PDLIM7: variants seen among roughly 807,000 people sequenced by gnomAD.
The protein encoded by PDLIM7 is PDZ and LIM domain 7, also known as PDZ and LIM domain protein 7.
Under a neutral mutation model 53.9 loss-of-function variants are expected in PDLIM7, and 37 were observed. The observed-to-expected ratio is 0.69, with a 90% CI of 0.53 to 0.90. PDLIM7 has a LOEUF of 0.90. PDLIM7 is among the 40% of genes least tolerant of loss of function. PDLIM7 has a pLI of 0.00. For missense variants in PDLIM7, 617 were observed against 638.5 expected, an observed-to-expected ratio of 0.97 and a Z score of 0.36; for synonymous variants, 300 against 261.3, an observed-to-expected ratio of 1.15 and a Z score of -1.43.
rs370206138 is a variant in PDLIM7, at chr5:177,488,218, C to G, written c.900G>C (p.Ala300=). 9 of 1,610,130 alleles carry G rather than the reference C, an allele frequency of 5.6e-6. No homozygotes were observed. Among genetic ancestry groups the G allele is most frequent in the Admixed American group, 1.7e-5 (1 of 59,606 alleles). ...RGRYLVALGH[A]YHPEEFVCSQ... ...TACACACAAACTCCTCCGGGTGGTACGCGTGGCCCAGCGCCACCAGGTAGC... is the reference window on the plus strand; with the variant it reads ...TACACACAAACTCCTCCGGGTGGTAGGCGTGGCCCAGCGCCACCAGGTAGC... Residue 300 remains alanine, a synonymous_variant, in exon 10 of 13, where the codon GCG becomes GCC. Coordinates refer to ENST00000355841, the MANE Select transcript of PDLIM7 (RefSeq NM_005451.5).
chr5:177,488,026 G>A (rs934974290), intron 10 of PDLIM7, 42 bp downstream of exon 10: 14 of 1,537,230 alleles, frequency 9.1e-6, no homozygotes, highest in Non-Finnish European at 1.2e-5. Context: ...CGTTCCCACT[G>A]ACAGGCTTGG....
intron 4 of PDLIM7, 169 bp downstream of exon 4, chr5:177,492,236 G>T (rs914923818): frequency 2.7e-5 from 21 of 783,338 alleles, no homozygotes; most frequent in Non-Finnish European, 3.6e-5. Flanking sequence ...CCAGGACCGT[G>T]CAGCAGCCCC....
chr5:177,487,073 T>C (rs1758502286), intron 10 of PDLIM7, among the ~76,000 whole-genome samples: 1 of 150,196 alleles, frequency 6.7e-6, no homozygotes, highest in African/African-American at 2.4e-5. Flanking sequence ...TAGCTGGGAC[T>C]ACAGGTGCGC....
chr5:177,491,637 A>G (rs763452592), intron 5 of PDLIM7, 170 bp downstream of exon 5: 49 of 620,794 alleles, frequency 7.9e-5, no homozygotes, highest in Non-Finnish European at 1.2e-4. Flanking sequence ...GCAAGGCGCC[A>G]CAGCCTCGGG....
chr5:177,487,436 C>A (rs1460579703), intron 10 of PDLIM7, among the ~76,000 whole-genome samples: 1 of 152,206 alleles, frequency 6.6e-6, no homozygotes, highest in Non-Finnish European at 1.5e-5. Flanking sequence ...CTTCTCCTTC[C>A]GACTTCCTGC....
intron 10 of PDLIM7, among the ~76,000 whole-genome samples, chr5:177,486,278 C>T (rs1231881299): frequency 6.6e-6 from 1 of 152,068 alleles, no homozygotes; most frequent in African/African-American, 2.4e-5. Flanking sequence ...ACAGTGTGGG[C>T]CAAGCAAGAC....
intron 9 of PDLIM7, among the ~76,000 whole-genome samples, chr5:177,488,889 CA>C (rs56297561): frequency 0.067 from 7,066 of 105,840 alleles, 203 homozygotes; most frequent in Non-Finnish European, 0.1. Flanking sequence ...GACTCTGTTT[CA>C]AAAAAAAAAA....
chr5:177,483,653 A>G lies in PDLIM7; in HGVS notation c.1365T>C (p.Ser455=), dbSNP rs1379484333. The part of the protein sequence containing the change: ...DRPLCKSHAF[S]HV ...TGTGGGCAGAAGGGGCTCACACATG[A>G]GAGAAGGCATGGCTCTTGCAGAGAG... The change falls in exon 13 of 13, where the codon TCT becomes TCC. Residue 455 remains serine (S), a synonymous_variant. Coordinates refer to ENST00000355841, the MANE Select transcript of PDLIM7 (RefSeq NM_005451.5). 3 of 1,609,014 alleles carry G rather than the reference A, an allele frequency of 1.9e-6. No homozygotes were observed. In the East Asian group the frequency reaches 6.7e-5, roughly 36 times the overall value.
intron 1 of PDLIM7, 155 bp from the exon 2 acceptor site, chr5:177,496,678 C>G: frequency 4.3e-6 from 2 of 463,878 alleles, no homozygotes; most frequent in East Asian, 3.6e-5. Context: ...TTTTGTCAGG[C>G]TGGCCTGGGC....
Position 177,484,195 on chromosome 5 carries a change from A to G in PDLIM7, c.1051-5T>C, listed in dbSNP as rs1375082702. ...CTTCAGGGCGTGCATGATCTCCTGG[A>G]AGGAGGTCCCAGTCACTCGGCAGGC... On this transcript the variant is annotated splice_polypyrimidine_tract_variant and splice_region_variant and intron_variant, in intron 10 of 12. Coordinates refer to ENST00000355841, the MANE Select transcript of PDLIM7 (RefSeq NM_005451.5). 3.7e-6 allele frequency: 6 copies of G among 1,612,846 alleles called. No homozygotes were observed. The highest frequency in any genetic ancestry group is 5.1e-6 in the Non-Finnish European group (6 of 1,179,906).
rs145886743 is a variant in PDLIM7 at position 177,491,074 on chromosome 5, C to A, written c.471G>T (p.Pro157=). 6 of 1,610,886 alleles carry A rather than the reference C, an allele frequency of 3.7e-6. No individual in the cohort carries two copies. Among genetic ancestry groups the A allele is most frequent in the Non-Finnish European group, 4.2e-6 (5 of 1,179,034 alleles). The change falls in exon 6 of 13, where the codon CCG becomes CCT. Residue 157 remains proline, a synonymous_variant. Coordinates refer to ENST00000355841, the MANE Select transcript of PDLIM7 (RefSeq NM_005451.5). ...RLMENTEDWR[P]RPGTGQSRSF... is the part of the protein sequence containing the mutation. The stretch of plus-strand genomic sequence containing the variant: ...AACGCGACTGGCCTGTCCCCGGCCG[C>A]GGCCGCCAGTCCTCTGTGTTCTCCA...
chr5:177,487,082 G>A (rs911242654), intron 10 of PDLIM7, among the ~76,000 whole-genome samples: 16 of 151,622 alleles, frequency 1.1e-4, no homozygotes, highest in Admixed American at 4.6e-4. Flanking sequence ...CTACAGGTGC[G>A]CCAGCACACC....
chr5:177,494,675 C>T lies in PDLIM7; in HGVS notation c.96+1742G>A, dbSNP rs905950579. 3.9e-5 allele frequency among the ~76,000 whole-genome samples: 6 copies of T among 152,008 alleles called. No homozygotes were observed. The East Asian group carries it at 9.6e-4, about 24-fold the overall frequency. ...CAGGAGAGCAGAAGACAGCGCTGGGCGGGTGGCTGGAGAGAGGCAGGGAGG... is the reference window on the plus strand; with the variant it reads ...CAGGAGAGCAGAAGACAGCGCTGGGTGGGTGGCTGGAGAGAGGCAGGGAGG... On this transcript the variant is annotated intron_variant, in intron 2 of 12. Coordinates refer to ENST00000355841, the MANE Select transcript of PDLIM7 (RefSeq NM_005451.5).
At position 177,492,405 on chromosome 5, in the gene PDLIM7, C is replaced by T. The variant is rs771773625; in HGVS notation, c.279G>A (p.Lys93=). 1 of 1,613,504 alleles carries T rather than the reference C, an allele frequency of 6.2e-7. No homozygotes were observed. The highest frequency in any genetic ancestry group is 8.5e-7 in the Non-Finnish European group (1 of 1,179,726). The change falls in exon 4 of 13, where the codon AAG becomes AAA. Residue 93 remains lysine, a splice_region_variant and synonymous_variant. Transcript: ENST00000355841. ...CCGGATGTCCCGGCCAGCCTCGTAC[C>T]TTCTGCGGTTTGCTCTGAACCGGCT... is the stretch of plus-strand genomic sequence containing the variant. ...RAQPVQSKPQ[K]ASAPAADPPR... is the part of the protein sequence containing the mutation.
chr5:177,485,932 G>A (rs908744432), intron 10 of PDLIM7, among the ~76,000 whole-genome samples: 6 of 152,156 alleles, frequency 3.9e-5, no homozygotes, highest in Admixed American at 2.6e-4. Flanking sequence ...GCTGCAGTGA[G>A]CAGTGATCAT....
intron 5 of PDLIM7, chr5:177,491,468 G>A: frequency 7.0e-7 from 1 of 1,433,590 alleles, no homozygotes; most frequent in Non-Finnish European, 9.6e-7. Flanking sequence ...CAAAGGGACA[G>A]ACACAGGAGA....
In PDLIM7 at chr5:177,483,403, G is replaced by A. The variant is rs187597792; in HGVS notation, c.*241C>T. Reference sequence around the variant, plus strand: ...GGAAGGGCACACAAGACACAGCTGGGTACAGGTTTATTGTGGCACTGGAGG... The same window carrying A: ...GGAAGGGCACACAAGACACAGCTGGATACAGGTTTATTGTGGCACTGGAGG... On this transcript the variant is annotated 3_prime_UTR_variant, in exon 13 of 13. Transcript: ENST00000355841. 15 of 489,128 alleles carry A rather than the reference G, an allele frequency of 3.1e-5. No homozygotes were observed. Among genetic ancestry groups the A allele is most frequent in the Admixed American group, 2.1e-4 (6 of 28,164 alleles). 30.3% of individuals were successfully genotyped at this position (489,128 alleles called of 1,614,324 possible). A position where few individuals can be genotyped will look rare whatever the true frequency, so the allele number is the denominator to read the frequency against.
chr5:177,491,620 G>T, intron 5 of PDLIM7, 187 bp downstream of exon 5: 1 of 637,066 alleles, frequency 1.6e-6, no homozygotes, highest in Non-Finnish European at 2.8e-6. Flanking sequence ...CCCCAGGGCG[G>T]TGCCCTGCAA....
In PDLIM7 at chr5:177,486,708, G is replaced by A. The variant is rs6884662; in HGVS notation, c.1050+1360C>T. On this transcript the variant is annotated intron_variant, in intron 10 of 12. Transcript: ENST00000355841. The stretch of plus-strand genomic sequence containing the variant: ...GGCTGGAGTGCAGTGGCGCGATCTC[G>A]GCTCACTGCAAGCTCTGCCTCCCAG... Among the ~76,000 whole-genome samples, 988 of 152,042 alleles carry A rather than the reference G, an allele frequency of 6.5e-3. 8 individuals carry two copies. The highest frequency in any genetic ancestry group is 0.022 in the African/African-American group (929 of 41,440).
Sources: allele counts gnomAD v4.1 joint callset (sites outside exome capture counted in the v4.1 genomes callset), GRCh38; gene constraint gnomAD v4.1.1; transcripts MANE v1.5; gene names NCBI Gene and HGNC (gene_info 2026-07-23, HGNC 2026-07-21).